VPS13B: variants seen among roughly 807,000 people sequenced by gnomAD.
VPS13B encodes the protein vacuolar protein sorting 13 homolog B, also known as intermembrane lipid transfer protein VPS13B.
VPS13B carries 285 observed loss-of-function variants against 426.4 expected under a neutral mutation model. The observed-to-expected ratio is 0.67, with a 90% confidence interval of 0.61 to 0.74. VPS13B has a LOEUF of 0.74. VPS13B is among the 30% of genes least tolerant of loss of function. VPS13B has a pLI of 0.00. For missense variants in VPS13B, 4,537 were observed against 4,782.6 expected, an observed-to-expected ratio of 0.95 and a Z score of 1.51; for synonymous variants, 1,676 against 1,676.4, an observed-to-expected ratio of 1.00 and a Z score of 0.01.
intron 17 of VPS13B, among the ~76,000 whole-genome samples, chr8:99,208,666 A>G (rs1424132962): frequency 1.3e-5 from 2 of 152,160 alleles, no homozygotes; most frequent in Non-Finnish European, 2.9e-5. Context: ...TGATTCATGG[A>G]ACATATAGGT....
At chr8:99,303,822 G>A (rs1195682438) in intron 19 of VPS13B, among the ~76,000 whole-genome samples, 1 of 151,330 alleles carries the variant, frequency 6.6e-6, no homozygotes, top group Non-Finnish European at 1.5e-5. Context: ...GTGGCTCAGT[G>A]CCTGGCAAAA....
At chr8:99,341,151 T>A (rs1811222074) in intron 19 of VPS13B, 1 of 259,190 alleles carries the variant, frequency 3.9e-6, no homozygotes, top group Non-Finnish European at 7.7e-6. Flanking sequence ...TAATGCACCT[T>A]CATGTTGGTG....
At chr8:99,094,435 G>A (rs1846321533) in intron 3 of VPS13B, among the ~76,000 whole-genome samples, 1 of 152,166 alleles carries the variant, frequency 6.6e-6, no homozygotes, top group Non-Finnish European at 1.5e-5. Context: ...AACAGAAGAT[G>A]TCTTTATGAA....
At chr8:99,383,913 A>G (rs1813975346) in intron 19 of VPS13B, among the ~76,000 whole-genome samples, 1 of 152,180 alleles carries the variant, frequency 6.6e-6, no homozygotes, top group South Asian at 2.1e-4. Context: ...AATTATGCTG[A>G]TATGAGCATT....
chr8:99,538,333 T>C (rs1032292215), intron 30 of VPS13B, among the ~76,000 whole-genome samples: 2 of 152,222 alleles, frequency 1.3e-5, no homozygotes, highest in African/African-American at 4.8e-5. Context: ...TTATTCAGTT[T>C]AAAATATGTA....
chr8:99,411,416 T>A (rs762207244), intron 21 of VPS13B, among the ~76,000 whole-genome samples: 8 of 152,186 alleles, frequency 5.3e-5, no homozygotes, highest in Non-Finnish European at 1.2e-4. Context: ...GTTGTTTGTT[T>A]TCTTCTTGTA....
At chr8:99,542,053 C>T (rs1823649147) in intron 30 of VPS13B, among the ~76,000 whole-genome samples, 1 of 151,864 alleles carries the variant, frequency 6.6e-6, no homozygotes, top group Non-Finnish European at 1.5e-5. Context: ...AAGTATGTAC[C>T]TTCATTATTG....
chr8:99,263,358 A>G (rs1274097220), intron 17 of VPS13B, among the ~76,000 whole-genome samples: 1 of 152,164 alleles, frequency 6.6e-6, no homozygotes, highest in Non-Finnish European at 1.5e-5. Flanking sequence ...ATATGAGGAT[A>G]TATTAGTTTT....
intron 19 of VPS13B, among the ~76,000 whole-genome samples, chr8:99,360,481 G>T (rs1294251523): frequency 6.6e-6 from 1 of 151,500 alleles, no homozygotes; most frequent in Non-Finnish European, 1.5e-5. Context: ...GTTTCACCAT[G>T]TTAGCCAGTA....
chr8:99,183,934 A>C (rs1813079081), intron 16 of VPS13B, among the ~76,000 whole-genome samples: 1 of 152,200 alleles, frequency 6.6e-6, no homozygotes, highest in Admixed American at 6.5e-5. Context: ...AAGGAACTGT[A>C]GATTTACTTT....
At chr8:99,698,379 G>A (rs1832122028) in intron 35 of VPS13B, among the ~76,000 whole-genome samples, 1 of 152,148 alleles carries the variant, frequency 6.6e-6, no homozygotes, top group South Asian at 2.1e-4. Context: ...CGCGGACTCT[G>A]CCCACACAGA....
At chr8:99,833,549 T>C (rs898113003) in intron 52 of VPS13B, among the ~76,000 whole-genome samples, 6 of 152,234 alleles carry the variant, frequency 3.9e-5, no homozygotes, top group African/African-American at 1.4e-4. Flanking sequence ...CCTCCTTCGT[T>C]CACAGTATTC....
At chr8:99,781,278 G>A (rs1249193046) in intron 42 of VPS13B, among the ~76,000 whole-genome samples, 1 of 152,094 alleles carries the variant, frequency 6.6e-6, no homozygotes, top group African/African-American at 2.4e-5. Flanking sequence ...ATATTTCTAT[G>A]TCACTTTCCC....
In VPS13B at chr8:99,024,185, G is replaced by T. The variant is rs796161794; in HGVS notation, c.147+10250G>T. Among the ~76,000 whole-genome samples, 10 of 152,164 alleles carry T rather than the reference G, an allele frequency of 6.6e-5. 1 individual carries two copies. The highest frequency in any genetic ancestry group is 2.2e-4 in the African/African-American group (9 of 41,496). Reference sequence around the variant, plus strand: ...TTGAACATTTTTCATATACCTGTTGGCCATTTATGTGTCGCCTTTTGAGAA... The same window carrying T: ...TTGAACATTTTTCATATACCTGTTGTCCATTTATGTGTCGCCTTTTGAGAA... On this transcript the variant is annotated intron_variant, in intron 2 of 61. Coordinates refer to ENST00000357162, the MANE Select transcript of VPS13B (RefSeq NM_152564.5).
At chr8:99,086,874 G>T (rs1257634786) in intron 3 of VPS13B, among the ~76,000 whole-genome samples, 1 of 152,196 alleles carries the variant, frequency 6.6e-6, no homozygotes, top group Non-Finnish European at 1.5e-5. Context: ...CCTGCTGGGG[G>T]GTGCCTCCCA....
At chr8:99,288,788 C>G (rs891540514) in intron 19 of VPS13B, among the ~76,000 whole-genome samples, 2 of 151,956 alleles carry the variant, frequency 1.3e-5, no homozygotes, top group Non-Finnish European at 1.5e-5. Flanking sequence ...TAGTACAAAT[C>G]AAAAGAACCT....
intron 56 of VPS13B, among the ~76,000 whole-genome samples, chr8:99,858,234 C>T (rs995744783): frequency 9.2e-5 from 14 of 152,244 alleles, no homozygotes; most frequent in Non-Finnish European, 1.6e-4. Context: ...CCTGGGCCCT[C>T]ACTTGCCCCT....
intron 8 of VPS13B, among the ~76,000 whole-genome samples, chr8:99,126,959 A>ATG (rs1848210515): frequency 6.6e-6 from 1 of 152,094 alleles, no homozygotes; most frequent in African/African-American, 2.4e-5. Flanking sequence ...GCTAAGCAGG[A>ATG]TGGCGTGTGC....
chr8:99,661,678 A>G (rs987047618), intron 35 of VPS13B, among the ~76,000 whole-genome samples, 187 bp downstream of exon 35: 19 of 152,262 alleles, frequency 1.2e-4, no homozygotes, highest in African/African-American at 4.6e-4. Context: ...TGCATTAAGA[A>G]TTACCTTCAG....
Sources: allele counts gnomAD v4.1 joint callset (sites outside exome capture counted in the v4.1 genomes callset), GRCh38; gene constraint gnomAD v4.1.1; transcripts MANE v1.5; gene names NCBI Gene and HGNC (gene_info 2026-07-23, HGNC 2026-07-21).